The following HK1 variants were observed in gnomAD, a reference collection of about 807,000 sequenced individuals.
HK1 encodes hexokinase 1.
HK1 carries 28 observed loss-of-function variants against 91.6 expected under a neutral mutation model. The observed-to-expected ratio is 0.31, with a 90% CI of 0.23 to 0.42. The LOEUF (loss-of-function observed/expected upper bound fraction) is 0.42, where lower values mean the gene tolerates loss of function less well. Ranked by LOEUF, HK1 falls within the 10% of genes least tolerant of loss-of-function variation. The pLI, the probability that HK1 is intolerant of heterozygous loss-of-function variation, is 1.00. For synonymous variants in HK1, 430 were observed against 468.1 expected (o/e 0.92, Z 1.05); for missense variants, 770 against 1,219.8 (o/e 0.63, Z 5.49).
In HK1 at chr10:69,276,515, C is replaced by A. The variant is rs995611845; in HGVS notation, c.-390-6014C>A. ...CTCTACTAAAAATACAAAAATTAGC[C>A]GGGTGTGGTAGTGCACTCCTGTAAT... On this transcript the variant is annotated intron_variant, in intron 1 of 21. Coordinates refer to the HK1 transcript ENST00000360289. Among the ~76,000 whole-genome samples, 3 of 151,420 alleles carry A rather than the reference C, an allele frequency of 2.0e-5. No individual in the cohort carries two copies. The East Asian group carries it at 5.8e-4, about 29-fold the overall frequency.
chr10:69,384,449 C>G lies in HK1; in HGVS notation c.1687C>G (p.Pro563Ala). The change falls in exon 11 of 18, where the codon CCT (proline) becomes GCT (alanine). Residue 563 changes from proline to alanine, a missense_variant. By Grantham distance (27) the Pro-to-Ala change is conservative. Around this residue, in one of 7 missense-constraint regions of HK1, gnomAD observed 48 missense variants for 128.2 expected, o/e 0.37. Coordinates refer to ENST00000359426, the MANE Select transcript of HK1 (RefSeq NM_000188.3). ...VEMHNKIYAIPIEIMQGTGEE... is the reference protein window; with the variant it reads ...VEMHNKIYAIAIEIMQGTGEE... Reference sequence around the variant, plus strand: ...AATGCACAACAAGATCTACGCCATTCCTATTGAAATCATGCAGGGCACTGG... The same window carrying G: ...AATGCACAACAAGATCTACGCCATTGCTATTGAAATCATGCAGGGCACTGG... 1 of 1,614,240 alleles carries G rather than the reference C, an allele frequency of 6.2e-7. No homozygotes were observed. Among genetic ancestry groups the G allele is most frequent in the Non-Finnish European group, 8.5e-7 (1 of 1,180,050 alleles).
At chr10:69,356,246 GC>G (rs1336260897) in intron 2 of HK1, among the ~76,000 whole-genome samples, 6 of 152,010 alleles carry the variant, frequency 3.9e-5, no homozygotes, top group Non-Finnish European at 2.9e-5. Flanking sequence ...GACAGCCTGG[GC>G]AACATAGTGA....
chr10:69,348,851 A>C (rs1357111766), intron 2 of HK1, among the ~76,000 whole-genome samples: 6 of 151,754 alleles, frequency 4.0e-5, no homozygotes, highest in Non-Finnish European at 8.8e-5. Flanking sequence ...GGACTCAGGC[A>C]GGCATTTCCC....
intron 1 of HK1, among the ~76,000 whole-genome samples, chr10:69,272,791 T>C (rs1387918745): frequency 6.6e-6 from 1 of 151,946 alleles, no homozygotes; most frequent in East Asian, 1.9e-4. Flanking sequence ...TTTTTTAAAT[T>C]TATCTTGCTT....
At chr10:69,377,762 T>C (rs1839191325) in intron 8 of HK1, among the ~76,000 whole-genome samples, 1 of 152,196 alleles carries the variant, frequency 6.6e-6, no homozygotes, top group Admixed American at 6.5e-5. Context: ...TTTCCCAAAC[T>C]TCTTTTGTGC....
intron 2 of HK1, among the ~76,000 whole-genome samples, chr10:69,356,601 G>A (rs1197533109): frequency 6.6e-6 from 1 of 151,968 alleles, no homozygotes; most frequent in Non-Finnish European, 1.5e-5. Context: ...AAAGACAAAT[G>A]AGGCCGGGTG....
At chr10:69,318,538 G>C (rs1337317811), upstream of HK1, among the ~76,000 whole-genome samples, 1 of 152,208 alleles carries the variant, frequency 6.6e-6, no homozygotes, top group Non-Finnish European at 1.5e-5. Flanking sequence ...ACCCGGGCAC[G>C]GCGCCGCCAC....
At chr10:69,325,522 C>T (rs908255131) in intron 1 of HK1, among the ~76,000 whole-genome samples, 3 of 149,804 alleles carry the variant, frequency 2.0e-5, no homozygotes, top group African/African-American at 7.4e-5. Context: ...TGCTCCTGGC[C>T]TGCATTTTTT....
intron 5 of HK1, among the ~76,000 whole-genome samples, chr10:69,301,573 C>CAAAAAAAAAAAAA (rs3086649): frequency 1.2e-5 from 1 of 80,806 alleles, no homozygotes; most frequent in Non-Finnish European, 2.3e-5. Flanking sequence ...GACTCTGTCT[C>CAAAAAAAAAAAAA]AAAAAAAAAA....
At chr10:69,275,385 ATT>A (rs748882475) in intron 1 of HK1, among the ~76,000 whole-genome samples, 4 of 147,294 alleles carry the variant, frequency 2.7e-5, no homozygotes, top group Non-Finnish European at 1.5e-5. Flanking sequence ...AAAAAATAAA[ATT>A]TAAAAAAAAA....
chr10:69,300,384 CT>C (rs199780524), intron 4 of HK1: 42 of 540,574 alleles, frequency 7.8e-5, no homozygotes, highest in East Asian at 2.9e-4. Flanking sequence ...TTGTTTTTTG[CT>C]TTTTTTTCAT....
At position 69,401,190 on chromosome 10, in the gene HK1, A is replaced by AC; in HGVS notation, c.*60dup. ...CCAGCACTTCTCTCTTCAAGCGGCG[A>AC]CCCCCTACCCTCCCAGCGAGTTGCG... On this transcript the variant is annotated 3_prime_UTR_variant, in exon 18 of 18. Transcript: ENST00000359426. The AC allele has an allele frequency of 6.4e-7, 1 of 1,569,288 alleles. No individual in the cohort carries two copies. Among genetic ancestry groups the AC allele is most frequent in the East Asian group, 2.3e-5 (1 of 42,624 alleles).
rs1415452316 is a variant in HK1 at position 69,343,819 on chromosome 10, C to T, written c.64-8C>T. 2 of 1,610,328 alleles carry T rather than the reference C, an allele frequency of 1.2e-6. No homozygotes were observed. The highest frequency in any genetic ancestry group is 1.3e-5 in the African/African-American group (1 of 74,810). The stretch of plus-strand genomic sequence containing the variant: ...ACCTCACTCTCCTTCCTTCTCATCC[C>T]CCTCCAGATTGACAAGTATCTCTAT... On this transcript the variant is annotated splice_polypyrimidine_tract_variant and splice_region_variant and intron_variant, in intron 1 of 17. Transcript: ENST00000359426.
At chr10:69,395,860 TG>T (rs1258924652) in intron 16 of HK1, among the ~76,000 whole-genome samples, 10 of 152,174 alleles carry the variant, frequency 6.6e-5, no homozygotes, top group Non-Finnish European at 1.5e-5. Flanking sequence ...CATTTCTTCC[TG>T]GCCTTTGCTG....
At chr10:69,310,426 A>G (rs1846319142) in intron 5 of HK1, among the ~76,000 whole-genome samples, 1 of 150,734 alleles carries the variant, frequency 6.6e-6, no homozygotes, top group African/African-American at 2.5e-5. Context: ...GTCTCAAAAA[A>G]AAAAAAAAAA....
rs541981562 is a variant in HK1 at position 69,291,737 on chromosome 10, C to T, written c.-115+2967C>T. ...TGTTCCAAGCTTAGAAACTCATGCTCGGGATATTGAAATTTCCACTGTTAG... is the reference window on the plus strand; with the variant it reads ...TGTTCCAAGCTTAGAAACTCATGCTTGGGATATTGAAATTTCCACTGTTAG... On this transcript the variant is annotated intron_variant, in intron 3 of 21. Coordinates refer to the HK1 transcript ENST00000360289. Among the ~76,000 whole-genome samples, 42 of 152,250 alleles carry T rather than the reference C, an allele frequency of 2.8e-4. No individual in the cohort carries two copies. In the South Asian group the frequency reaches 5.2e-3, roughly 19 times the overall value.
chr10:69,327,339 G>A (rs996730373), intron 1 of HK1, among the ~76,000 whole-genome samples: 4 of 151,974 alleles, frequency 2.6e-5, no homozygotes, highest in East Asian at 1.9e-4. Flanking sequence ...GTATCCTTCC[G>A]CCATTTACTT....
At chr10:69,280,075 A>G (rs1844660046) in intron 1 of HK1, among the ~76,000 whole-genome samples, 1 of 152,138 alleles carries the variant, frequency 6.6e-6, no homozygotes, top group Admixed American at 6.6e-5. Flanking sequence ...AGCAGGTCAG[A>G]TGGAGGTAGA....
chr10:69,295,122 C>G (rs1170742518), intron 3 of HK1, among the ~76,000 whole-genome samples: 3 of 151,852 alleles, frequency 2.0e-5, no homozygotes, highest in Admixed American at 6.6e-5. Context: ...CTGCCAAGAG[C>G]TGGTCACTGC....
Sources: allele counts gnomAD v4.1 joint callset (sites outside exome capture counted in the v4.1 genomes callset), GRCh38; gene constraint gnomAD v4.1.1; regional missense constraint gnomAD v4.1.1; transcripts MANE v1.5; gene names NCBI Gene and HGNC (gene_info 2026-07-23, HGNC 2026-07-21).